The following PRRC2C variants were observed in gnomAD, a reference collection of about 807,000 sequenced individuals.
PRRC2C encodes the protein proline rich coiled-coil 2C.
PRRC2C carries 72 observed loss-of-function variants against 317.2 expected under a neutral mutation model. The observed-to-expected ratio is 0.23, with a 90% confidence interval of 0.19 to 0.28. The LOEUF (loss-of-function observed/expected upper bound fraction) is 0.28, where lower values mean the gene tolerates loss of function less well. Among genes scored for constraint, PRRC2C ranks in the 10% least tolerant of loss-of-function variants. The pLI, the probability that PRRC2C is intolerant of heterozygous loss-of-function variation, is 1.00. For synonymous variants in PRRC2C, 1,296 were observed against 1,205.9 expected, an observed-to-expected ratio of 1.07 and a Z score of -1.55; for missense variants, 3,074 against 3,459.7, an observed-to-expected ratio of 0.89 and a Z score of 2.80.
intron 28 of PRRC2C, 61 bp from the exon 29 acceptor site, chr1:171,583,895 G>A: frequency 4.2e-6 from 6 of 1,438,524 alleles, no homozygotes; most frequent in Non-Finnish European, 5.8e-6. Flanking sequence ...GCATTCTTAA[G>A]ATTTTCAGAT....
chr1:171,519,164 A>C (rs1386837955), intron 6 of PRRC2C, among the ~76,000 whole-genome samples: 1 of 152,172 alleles, frequency 6.6e-6, no homozygotes. Flanking sequence ...GATTATAGGC[A>C]TGAGTCACCA....
chr1:171,577,499 A>G lies in PRRC2C; in HGVS notation c.7021A>G (p.Ile2341Val), dbSNP rs1647290033. ...KSTTTSDPPN[I>V]CKVKPQQLQT... ...TACAACCACATCGGACCCTCCAAAT[A>G]TTTGTAAAGTGAAACCTCAGCAGTT... The change falls in exon 26 of 35, where the codon ATT becomes GTT. Residue 2341 changes from isoleucine to valine, a missense_variant. This residue lies in a region of PRRC2C where 490 missense variants were observed against 663.1 expected (regional missense o/e 0.74). Transcript: ENST00000647382. 6.2e-7 allele frequency: 1 copy of G among 1,613,114 alleles called. No individual in the cohort carries two copies. Among genetic ancestry groups the G allele is most frequent in the Non-Finnish European group, 8.5e-7 (1 of 1,179,200 alleles).
At chr1:171,538,607 TTCATTC>T (rs1677301247) in intron 15 of PRRC2C, among the ~76,000 whole-genome samples, 1 of 152,240 alleles carries the variant, frequency 6.6e-6, no homozygotes, top group African/African-American at 2.4e-5. Flanking sequence ...AGTGTACTCT[TTCATTC>T]TAGGTGGAAA....
chr1:171,540,031 A>G lies in PRRC2C; in HGVS notation c.2565A>G (p.Gln855=), dbSNP rs149042601. 1.8e-5 allele frequency: 29 copies of G among 1,613,870 alleles called. No homozygotes were observed. Among genetic ancestry groups the G allele is most frequent in the East Asian group, 4.5e-5 (2 of 44,902 alleles). ...CTGCTTATTCTGTAGAACATAATCA[A>G]TTAGAGGCTCACCCAAAGGCAGACT... The part of the protein sequence containing the change: ...ITAAYSVEHN[Q]LEAHPKADFI... The change falls in exon 16 of 35, where the codon CAA becomes CAG. Residue 855 remains glutamine, a synonymous_variant. Coordinates refer to ENST00000647382, the MANE Select transcript of PRRC2C (RefSeq NM_001387844.1).
At position 171,587,141 on chromosome 1, in the gene PRRC2C, C is replaced by T. The variant is rs774296720; in HGVS notation, c.7888C>T (p.Arg2630Cys). The T allele has an allele frequency of 4.8e-5, 77 of 1,610,878 alleles. No homozygotes were observed. Among genetic ancestry groups the T allele is most frequent in the Non-Finnish European group, 6.4e-5 (75 of 1,178,586 alleles). Residue 2630 changes from arginine to cysteine, a missense_variant, in exon 31 of 35, where the codon CGT (arginine) becomes TGT (cysteine). Transcript: ENST00000647382. ...CCAAGCACAGGCTCAGAGTCTGAGT[C>T]GTCCTGCACAAGTAAGCCAGCCTTT... ...TPQAQAQSLS[R>C]PAQVSQPFRG...
Position 171,579,394 on chromosome 1 carries a change from C to A in PRRC2C, c.7200C>A (p.Phe2400Leu), listed in dbSNP as rs1447408030. 4 of 1,613,818 alleles carry A rather than the reference C, an allele frequency of 2.5e-6. No individual in the cohort carries two copies. The highest frequency in any genetic ancestry group is 3.4e-6 in the Non-Finnish European group (4 of 1,179,882). The change falls in exon 27 of 35, where the codon TTC becomes TTA. Residue 2400 changes from phenylalanine to leucine, a missense_variant. By Grantham distance (22) the Phe-to-Leu change is conservative. Around this residue, in one of 11 missense-constraint regions of PRRC2C, gnomAD observed 490 missense variants for 663.1 expected, o/e 0.74. Transcript: ENST00000647382. ...TCTATATGGACACAAGTCATTTATTCAATACCCAACATGCACGATTGGCTC... is the reference window on the plus strand; with the variant it reads ...TCTATATGGACACAAGTCATTTATTAAATACCCAACATGCACGATTGGCTC... ...PAFYMDTSHL[F>L]NTQHARLAPP...
At chr1:171,569,543 C>T (rs1179782553) in intron 23 of PRRC2C, among the ~76,000 whole-genome samples, 1 of 115,206 alleles carries the variant, frequency 8.7e-6, no homozygotes, top group Non-Finnish European at 1.8e-5. Context: ...ACTTTCCTCC[C>T]ACCCACCCCC....
At chr1:171,568,469 G>C (rs1405373381) in intron 23 of PRRC2C, 130 bp downstream of exon 23, 1 of 1,370,888 alleles carries the variant, frequency 7.3e-7, no homozygotes, top group East Asian at 2.6e-5. Flanking sequence ...TAGTAAATTT[G>C]TGTTTAGGAG....
chr1:171,513,929 C>A (rs1213867896), intron 3 of PRRC2C, among the ~76,000 whole-genome samples: 1 of 152,022 alleles, frequency 6.6e-6, no homozygotes, highest in Non-Finnish European at 1.5e-5. Flanking sequence ...TATGAGTGTC[C>A]CAGAAACACA....
intron 12 of PRRC2C, among the ~76,000 whole-genome samples, chr1:171,533,640 T>G (rs1432955410): frequency 1.3e-5 from 2 of 152,162 alleles, no homozygotes; most frequent in Non-Finnish European, 2.9e-5. Flanking sequence ...TGTTGTTGTT[T>G]TTGAGACAGA....
rs371972399 is a variant in PRRC2C at position 171,572,238 on chromosome 1, C to T, written c.6753+817C>T. 1.5e-3 allele frequency among the ~76,000 whole-genome samples: 221 copies of T among 152,234 alleles called. 2 individuals carry two copies. In the South Asian group the frequency reaches 0.023, roughly 16 times the overall value. On this transcript the variant is annotated intron_variant, in intron 24 of 34. Coordinates refer to ENST00000647382, the MANE Select transcript of PRRC2C (RefSeq NM_001387844.1). The stretch of plus-strand genomic sequence containing the variant: ...CTCTGGGCTCCAGCGATCCACCTGC[C>T]TCAGCCTCCCAAAGTATTGGAATTA...
chr1:171,539,431 T>C (rs369148899), intron 15 of PRRC2C, among the ~76,000 whole-genome samples: 2 of 152,252 alleles, frequency 1.3e-5, no homozygotes, highest in African/African-American at 4.8e-5. Context: ...CCAGAACTTT[T>C]TTTTATCTTG....
intron 3 of PRRC2C, chr1:171,513,568 A>G: frequency 2.6e-6 from 1 of 392,126 alleles, no homozygotes; most frequent in South Asian, 1.9e-5. Flanking sequence ...CTGATGTTTC[A>G]TAGGTGCTCA....
intron 18 of PRRC2C, among the ~76,000 whole-genome samples, chr1:171,550,857 C>T (rs1680095281): frequency 6.6e-6 from 1 of 152,120 alleles, no homozygotes; most frequent in Admixed American, 6.5e-5. Context: ...TTTCTTAATC[C>T]AGTCTATCAT....
Position 171,535,582 on chromosome 1 carries a change from A to G in PRRC2C, c.2028A>G (p.Arg676=). The G allele has an allele frequency of 1.2e-6, 2 of 1,613,790 alleles. No homozygotes were observed. The highest frequency in any genetic ancestry group is 1.7e-6 in the Non-Finnish European group (2 of 1,179,828). The part of the protein sequence containing the change: ...FKQFQKSLPP[R]FQRQQEQMKQ... ...AGTTTCAGAAGTCTTTACCTCCACG[A>G]TTCCAGCGGCAGCAGGTAATGATAA... Residue 676 remains arginine, a synonymous_variant, in exon 13 of 35, where the codon CGA becomes CGG. Transcript: ENST00000647382.
At position 171,532,978 on chromosome 1, in the gene PRRC2C, C is replaced by T. The variant is rs762297964; in HGVS notation, c.1873+17C>T. 5.9e-6 allele frequency: 9 copies of T among 1,515,842 alleles called. No homozygotes were observed. The highest frequency in any genetic ancestry group is 7.9e-6 in the Non-Finnish European group (9 of 1,141,440). 93.9% of individuals were successfully genotyped at this position (1,515,842 alleles called of 1,614,324 possible). A position where few individuals can be genotyped will look rare whatever the true frequency, so the allele number is the denominator to read the frequency against. ...GTAATAAAGGTTTGATAGTATTCTT[C>T]ATTCTCTTTTAAAAACTTTACAAAG... On this transcript the variant is annotated intron_variant, in intron 12 of 34. Transcript: ENST00000647382.
chr1:171,524,609 T>A (rs1465007731), intron 9 of PRRC2C, among the ~76,000 whole-genome samples: 1 of 152,218 alleles, frequency 6.6e-6, no homozygotes, highest in African/African-American at 2.4e-5. Context: ...CTGACATGTG[T>A]GTTTAGATTT....
chr1:171,562,533 G>A (rs1302892840), intron 20 of PRRC2C, among the ~76,000 whole-genome samples: 1 of 152,242 alleles, frequency 6.6e-6, no homozygotes, highest in Non-Finnish European at 1.5e-5. Context: ...GAAAGGTCAT[G>A]AGAAATAGTT....
At chr1:171,491,744 G>T (rs1667193273) in intron 1 of PRRC2C, among the ~76,000 whole-genome samples, 1 of 152,044 alleles carries the variant, frequency 6.6e-6, no homozygotes, top group South Asian at 2.1e-4. Context: ...TATTAATCAA[G>T]AAACTATATT....
Sources: allele counts gnomAD v4.1 joint callset (sites outside exome capture counted in the v4.1 genomes callset), GRCh38; gene constraint gnomAD v4.1.1; regional missense constraint gnomAD v4.1.1; transcripts MANE v1.5; gene names NCBI Gene and HGNC (gene_info 2026-07-23, HGNC 2026-07-21).